AMBRA1: variants seen among roughly 807,000 people sequenced by gnomAD.
AMBRA1 encodes activating molecule in BECN1-regulated autophagy protein 1.
AMBRA1 carries 47 observed loss-of-function variants against 125.4 expected under a neutral mutation model. The ratio of observed to expected loss-of-function variants is 0.37; its 90% CI spans 0.30 to 0.48. The LOEUF (loss-of-function observed/expected upper bound fraction) is 0.48, where lower values mean the gene tolerates loss of function less well. AMBRA1 is among the 20% of genes least tolerant of loss of function. The pLI is 0.99. For synonymous variants in AMBRA1, 626 were observed against 655.5 expected (o/e 0.95, Z 0.69); for missense variants, 1,331 against 1,693.4 (o/e 0.79, Z 3.76).
chr11:46,502,470 T>C (rs1950878632), intron 9 of AMBRA1, among the ~76,000 whole-genome samples: 1 of 152,194 alleles, frequency 6.6e-6, no homozygotes, highest in Non-Finnish European at 1.5e-5. Flanking sequence ...ACCTTATCCC[T>C]CTCTGACGAT....
chr11:46,554,234 A>G (rs540604854), intron 1 of AMBRA1, among the ~76,000 whole-genome samples: 6 of 152,300 alleles, frequency 3.9e-5, no homozygotes, highest in Non-Finnish European at 8.8e-5. Context: ...TTATAATCTT[A>G]CAAGGTGTGG....
At chr11:46,555,135 CAT>C (rs1394970534) in intron 1 of AMBRA1, among the ~76,000 whole-genome samples, 1 of 152,180 alleles carries the variant, frequency 6.6e-6, no homozygotes, top group African/African-American at 2.4e-5. Context: ...TCCACACACA[CAT>C]ACTCCCACTC....
At chr11:46,561,022 C>T (rs1221894280) in intron 1 of AMBRA1, among the ~76,000 whole-genome samples, 2 of 152,114 alleles carry the variant, frequency 1.3e-5, no homozygotes, top group Admixed American at 1.3e-4. Context: ...GAGAAAGAAT[C>T]CAACTCCTTC....
chr11:46,422,101 C>T (rs1946875720), intron 14 of AMBRA1, among the ~76,000 whole-genome samples: 1 of 152,156 alleles, frequency 6.6e-6, no homozygotes, highest in Non-Finnish European at 1.5e-5. Flanking sequence ...TGCAGCTACA[C>T]CACCAAATTC....
chr11:46,474,672 G>C (rs1949741896), intron 11 of AMBRA1, among the ~76,000 whole-genome samples: 1 of 152,210 alleles, frequency 6.6e-6, no homozygotes. Flanking sequence ...ACAAGCGTAA[G>C]CCACGGCACC....
intron 11 of AMBRA1, among the ~76,000 whole-genome samples, chr11:46,470,652 C>T (rs1949550389): frequency 6.7e-6 from 1 of 150,226 alleles, no homozygotes; most frequent in African/African-American, 2.5e-5. Context: ...GTCCTAGCTA[C>T]TCAGAAGGCT....
Position 46,586,413 on chromosome 11 carries a change from A to T in AMBRA1, c.-121+7415T>A, listed in dbSNP as rs997536822. 2.2e-4 allele frequency among the ~76,000 whole-genome samples: 34 copies of T among 152,218 alleles called. 1 individual carries two copies. The highest frequency in any genetic ancestry group is 7.2e-4 in the African/African-American group (30 of 41,536). On this transcript the variant is annotated intron_variant, in intron 1 of 17. Transcript: ENST00000683756. ...GTCTCCAAAAAATAATAAAAAAATA[A>T]TTTTTTAATTAAAAATAAAGATCCA...
rs982973734 is a variant in AMBRA1, at chr11:46,443,516, A to G, written c.2604T>C (p.Thr868=). Residue 868 remains threonine, a synonymous_variant, in exon 12 of 18, where the codon ACT becomes ACC. Transcript: ENST00000683756. ...TTYRLQWWDF[T]KFDLPEISNA... Reference sequence around the variant, plus strand: ...TACTGATTTCAGGGAGGTCAAACTTAGTGAAGTCCCACCACTGGAGCCGGT... The same window carrying G: ...TACTGATTTCAGGGAGGTCAAACTTGGTGAAGTCCCACCACTGGAGCCGGT... The G allele has an allele frequency of 6.2e-7, 1 of 1,614,122 alleles. No individual in the cohort carries two copies. The highest frequency in any genetic ancestry group is 8.5e-7 in the Non-Finnish European group (1 of 1,179,962).
intron 1 of AMBRA1, among the ~76,000 whole-genome samples, chr11:46,571,167 T>C (rs2043743377): frequency 6.6e-6 from 1 of 152,224 alleles, no homozygotes; most frequent in African/African-American, 2.4e-5. Flanking sequence ...CCAATTCTTA[T>C]GCCTGGGCAA....
At chr11:46,563,838 G>A (rs1279631834) in intron 1 of AMBRA1, among the ~76,000 whole-genome samples, 1 of 123,650 alleles carries the variant, frequency 8.1e-6, no homozygotes, top group African/African-American at 3.1e-5. Flanking sequence ...AAGCGAGACT[G>A]TCTCAAAAAA....
chr11:46,406,992 A>C (rs897273556), intron 17 of AMBRA1, among the ~76,000 whole-genome samples: 1 of 152,022 alleles, frequency 6.6e-6, no homozygotes, highest in Non-Finnish European at 1.5e-5. Flanking sequence ...CAGCCTGGAC[A>C]ACATGGTGAA....
intron 11 of AMBRA1, among the ~76,000 whole-genome samples, chr11:46,471,500 C>T (rs572142191): frequency 1.3e-5 from 2 of 151,716 alleles, no homozygotes; most frequent in Non-Finnish European, 2.9e-5. Context: ...ATGGGGTAAA[C>T]CTGGGAGATG....
At chr11:46,521,874 CAA>C (rs1036080475) in intron 7 of AMBRA1, among the ~76,000 whole-genome samples, 2 of 152,216 alleles carry the variant, frequency 1.3e-5, no homozygotes, top group Non-Finnish European at 2.9e-5. Flanking sequence ...AGACATACTA[CAA>C]AAAGACACCA....
chr11:46,453,546 C>T (rs1467114334), intron 11 of AMBRA1, among the ~76,000 whole-genome samples: 1 of 151,958 alleles, frequency 6.6e-6, no homozygotes, highest in Non-Finnish European at 1.5e-5. Context: ...TGTGGAAAAC[C>T]AGCAATCATA....
At chr11:46,576,316 C>CG (rs1403095132) in intron 1 of AMBRA1, among the ~76,000 whole-genome samples, 1 of 152,084 alleles carries the variant, frequency 6.6e-6, no homozygotes, top group Non-Finnish European at 1.5e-5. Context: ...GTTTTGTAGA[C>CG]GGGGTCTCCG....
intron 11 of AMBRA1, among the ~76,000 whole-genome samples, chr11:46,473,012 T>C (rs1177230439): frequency 6.6e-6 from 1 of 152,236 alleles, no homozygotes; most frequent in East Asian, 1.9e-4. Flanking sequence ...AGTAAAGGTA[T>C]ATTTTACACA....
At chr11:46,457,607 T>C (rs1201843928) in intron 11 of AMBRA1, among the ~76,000 whole-genome samples, 7 of 152,160 alleles carry the variant, frequency 4.6e-5, no homozygotes, top group Non-Finnish European at 1.0e-4. Flanking sequence ...CGGTTGCTTA[T>C]AAGATGGGCT....
intron 1 of AMBRA1, among the ~76,000 whole-genome samples, chr11:46,551,286 T>C (rs1045744379): frequency 1.3e-5 from 2 of 151,220 alleles, no homozygotes; most frequent in African/African-American, 4.9e-5. Flanking sequence ...GTTTTTGAAA[T>C]GGAATTTTAG....
chr11:46,592,918 G>A (rs2044658491), intron 1 of AMBRA1, among the ~76,000 whole-genome samples: 1 of 152,106 alleles, frequency 6.6e-6, no homozygotes, highest in Non-Finnish European at 1.5e-5. Flanking sequence ...GATTTCCAAA[G>A]AGGCTGGGGA....
Sources: allele counts gnomAD v4.1 joint callset (sites outside exome capture counted in the v4.1 genomes callset), GRCh38; gene constraint gnomAD v4.1.1; transcripts MANE v1.5; gene names NCBI Gene and HGNC (gene_info 2026-07-23, HGNC 2026-07-21).